MLIP: variants seen among roughly 807,000 people sequenced by gnomAD.
MLIP encodes muscular LMNA interacting protein, also known as muscular LMNA-interacting protein.
In MLIP, 79 loss-of-function variants were observed where a neutral mutation model predicts 84.8. The ratio of observed to expected loss-of-function variants is 0.93; its 90% CI spans 0.78 to 1.12. MLIP has a LOEUF of 1.12. Among genes scored for constraint, MLIP ranks in the 50% most tolerant of loss-of-function variants. MLIP has a pLI of 0.00. For missense variants in MLIP, 1,257 were observed against 1,160.6 expected (o/e 1.08, Z -1.21); for synonymous variants, 504 against 463.0 (o/e 1.09, Z -1.14).
intron 13 of MLIP, among the ~76,000 whole-genome samples, chr6:54,264,494 A>T (rs1373234783): frequency 6.6e-6 from 1 of 152,076 alleles, no homozygotes; most frequent in Non-Finnish European, 1.5e-5. Context: ...CTGAGCTTCA[A>T]TTTTATTCTT....
intron 13 of MLIP, among the ~76,000 whole-genome samples, chr6:54,265,725 A>G (rs1783648571): frequency 6.6e-6 from 1 of 152,104 alleles, no homozygotes; most frequent in African/African-American, 2.4e-5. Context: ...TGAACTGCCA[A>G]GAGATTGGAG....
intron 4 of MLIP, among the ~76,000 whole-genome samples, chr6:54,146,907 G>A (rs551498900): frequency 6.6e-6 from 1 of 152,272 alleles, no homozygotes; most frequent in East Asian, 1.9e-4. Context: ...TTCCAGCCAG[G>A]ACTGACATGC....
chr6:54,021,956 T>C (rs1309008989), intron 1 of MLIP, among the ~76,000 whole-genome samples: 1 of 152,224 alleles, frequency 6.6e-6, no homozygotes, highest in African/African-American at 2.4e-5. Context: ...TTGATTCTGC[T>C]AGATGACAAT....
intron 1 of MLIP, among the ~76,000 whole-genome samples, chr6:54,030,058 G>T (rs1764035938): frequency 6.6e-6 from 1 of 152,146 alleles, no homozygotes; most frequent in South Asian, 2.1e-4. Flanking sequence ...CCCTGGACTT[G>T]TGATTGGGGA....
chr6:54,100,722 T>C (rs1410734075), intron 1 of MLIP, among the ~76,000 whole-genome samples: 2 of 152,174 alleles, frequency 1.3e-5, no homozygotes, highest in Middle Eastern at 3.2e-3. Context: ...TCAACAAATA[T>C]ATATTGAGCA....
intron 4 of MLIP, among the ~76,000 whole-genome samples, chr6:54,141,559 G>A (rs1308894554): frequency 1.3e-5 from 2 of 151,992 alleles, no homozygotes; most frequent in South Asian, 2.1e-4. Flanking sequence ...CGCCTGCCTC[G>A]GCATCCCAAA....
intron 1 of MLIP, among the ~76,000 whole-genome samples, chr6:54,119,827 C>A (rs78733469): frequency 6.6e-6 from 1 of 152,128 alleles, no homozygotes. Context: ...TTATCTACAA[C>A]AAAAGTGGTT....
At chr6:54,215,816 A>T (rs187030351) in intron 11 of MLIP, 4 of 152,498 alleles carry the variant, frequency 2.6e-5, no homozygotes, top group Non-Finnish European at 4.4e-5. Flanking sequence ...AAACAACAAA[A>T]CATCCATTTC....
intron 12 of MLIP, among the ~76,000 whole-genome samples, chr6:54,234,987 G>C (rs1781268313): frequency 6.6e-6 from 1 of 152,030 alleles, no homozygotes; most frequent in African/African-American, 2.4e-5. Flanking sequence ...TTAGCTGCTT[G>C]CTTATCATTT....
At chr6:54,070,671 A>G (rs1250264506) in intron 1 of MLIP, among the ~76,000 whole-genome samples, 1 of 152,130 alleles carries the variant, frequency 6.6e-6, no homozygotes, top group Non-Finnish European at 1.5e-5. Flanking sequence ...AGGATTCTTT[A>G]TCTTTTTTGA....
At chr6:54,257,664 T>G (rs1335727486) in intron 13 of MLIP, among the ~76,000 whole-genome samples, 1 of 152,078 alleles carries the variant, frequency 6.6e-6, no homozygotes, top group Non-Finnish European at 1.5e-5. Flanking sequence ...GAAATCACCA[T>G]TGTCTTCTTT....
At chr6:54,107,120 G>C (rs1369729013), upstream of MLIP, among the ~76,000 whole-genome samples, 1 of 152,154 alleles carries the variant, frequency 6.6e-6, no homozygotes, top group Non-Finnish European at 1.5e-5. Context: ...ATTCTACCCT[G>C]TATAGGGCTT....
At chr6:54,170,078 A>T (rs775541937) in intron 9 of MLIP, among the ~76,000 whole-genome samples, 15 of 151,704 alleles carry the variant, frequency 9.9e-5, no homozygotes, top group Non-Finnish European at 1.8e-4. Flanking sequence ...TTCAATTCAA[A>T]TAATTATGAG....
At chr6:54,255,793 T>G (rs1169971999) in intron 12 of MLIP, among the ~76,000 whole-genome samples, 1 of 152,194 alleles carries the variant, frequency 6.6e-6, no homozygotes, top group Non-Finnish European at 1.5e-5. Flanking sequence ...GATTTTAAAA[T>G]TTCAAGATGA....
At chr6:54,208,252 A>G (rs1779180181) in intron 11 of MLIP, among the ~76,000 whole-genome samples, 1 of 152,232 alleles carries the variant, frequency 6.6e-6, no homozygotes, top group Non-Finnish European at 1.5e-5. Context: ...TTTAAATAAT[A>G]TCCAAAATAA....
intron 1 of MLIP, among the ~76,000 whole-genome samples, chr6:54,035,239 C>CT (rs962228780): frequency 1.3e-5 from 2 of 151,996 alleles, no homozygotes; most frequent in East Asian, 1.9e-4. Context: ...GCATTTTTGG[C>CT]TTTTTTTGAC....
At chr6:54,233,063 A>G (rs146591861) in intron 12 of MLIP, among the ~76,000 whole-genome samples, 2 of 152,234 alleles carry the variant, frequency 1.3e-5, no homozygotes, top group Admixed American at 6.5e-5. Flanking sequence ...TGGGTGCATC[A>G]TATCCTATAA....
chr6:54,028,083 T>C (rs1263035379), intron 1 of MLIP, among the ~76,000 whole-genome samples: 1 of 152,202 alleles, frequency 6.6e-6, no homozygotes, highest in Non-Finnish European at 1.5e-5. Context: ...GAGAATCATT[T>C]GCTTTATTTT....
chr6:54,073,018 C>T (rs1186308384), intron 1 of MLIP, among the ~76,000 whole-genome samples: 2 of 152,172 alleles, frequency 1.3e-5, no homozygotes, highest in African/African-American at 2.4e-5. Context: ...CTCAACATTG[C>T]TCCACATGAT....
Sources: allele counts gnomAD v4.1 joint callset (sites outside exome capture counted in the v4.1 genomes callset), GRCh38; gene constraint gnomAD v4.1.1; transcripts MANE v1.5; gene names NCBI Gene and HGNC (gene_info 2026-07-23, HGNC 2026-07-21).